Variants in POC1B observed in about 807,000 individuals in gnomAD.
POC1B encodes POC1 centriolar protein homolog B.
In POC1B, 44 loss-of-function variants were observed where a neutral mutation model predicts 60.6. The observed-to-expected ratio is 0.73, with a 90% CI of 0.57 to 0.93. The LOEUF is 0.93. POC1B is among the 40% of genes least tolerant of loss of function. The pLI, the probability that POC1B is intolerant of heterozygous loss-of-function variation, is 0.00. For synonymous variants in POC1B, 180 were observed against 198.9 expected (o/e 0.90, Z 0.80); for missense variants, 555 against 572.3 (o/e 0.97, Z 0.31).
rs1413037919 is a variant in POC1B, at chr12:89,421,069, AGTATCTT to A, written c.*77_*83del. ...AATAGCACATGGTTGTGTTGTATGG[AGTATCTT>A]GTACTACCTTCCTGAGTGTATGTAC... On this transcript the variant is annotated 3_prime_UTR_variant, in exon 12 of 12. Transcript: ENST00000313546. The A allele has an allele frequency of 3.0e-6, 3 of 992,614 alleles. No homozygotes were observed. The African/African-American group carries it at 4.8e-5, about 16-fold the overall frequency. The allele number at this position is 992,614 out of a possible 1,614,324, so 61.5% of individuals were successfully genotyped here. A position where few individuals can be genotyped will look rare whatever the true frequency, so the allele number is the denominator to read the frequency against.
intron 10 of POC1B, among the ~76,000 whole-genome samples, chr12:89,444,389 T>G (rs923110401): frequency 6.6e-6 from 1 of 152,058 alleles, no homozygotes; most frequent in African/African-American, 2.4e-5. Context: ...CAGCAACACA[T>G]CAAAAAGCTT....
At chr12:89,413,641 T>G in the POC1B span, among the ~76,000 whole-genome samples, 1 of 152,224 alleles carries the variant, frequency 6.6e-6, no homozygotes, top group Non-Finnish European at 1.5e-5. Flanking sequence ...ATATACTTTC[T>G]GCATATTTGG....
At chr12:89,461,746 G>C (rs1488070366) in intron 9 of POC1B, 1 of 152,154 alleles carries the variant, frequency 6.6e-6, no homozygotes. Flanking sequence ...GCTGTGCATG[G>C]TAAGGATGAG....
Position 89,524,577 on chromosome 12 carries a change from G to A in POC1B, c.100+543C>T, listed in dbSNP as rs139135128. 3.7e-4 allele frequency: 603 copies of A among 1,608,830 alleles called. 1 individual carries two copies. In the African/African-American group the frequency reaches 6.4e-3, roughly 17 times the overall value. ...GGATTCTCAGGGCTGAGGCGCAGAC[G>A]CGGCCACCAAGCCACCACGCAGGGG... On this transcript the variant is annotated intron_variant, in intron 2 of 11. Transcript: ENST00000313546.
intron 3 of POC1B, among the ~76,000 whole-genome samples, chr12:89,492,981 G>A (rs1869059115): frequency 6.6e-6 from 1 of 152,090 alleles, no homozygotes; most frequent in Admixed American, 6.5e-5. Context: ...ACCTTGCTAA[G>A]AGCGTAACTC....
intron 2 of POC1B, among the ~76,000 whole-genome samples, chr12:89,503,138 C>G (rs1869674414): frequency 6.6e-6 from 1 of 152,046 alleles, no homozygotes; most frequent in Admixed American, 6.5e-5. Context: ...CTCTCCCTCT[C>G]TTTCCACAGT....
chr12:89,455,782 T>C (rs1882227764), intron 10 of POC1B, among the ~76,000 whole-genome samples: 1 of 152,192 alleles, frequency 6.6e-6, no homozygotes, highest in Non-Finnish European at 1.5e-5. Context: ...TTATGCACAG[T>C]TGCCAGGATG....
rs1881423505 is a variant in POC1B, at chr12:89,439,529, A to G, written c.1114-14150T>C. 2.6e-5 allele frequency among the ~76,000 whole-genome samples: 4 copies of G among 152,184 alleles called. No individual in the cohort carries two copies. The South Asian group carries it at 8.3e-4, about 32-fold the overall frequency. ...GTGGGACCTGTGAATCTGGATTTCT[A>G]CTAAACTCTTAGGTGATGCTCAAGC... On this transcript the variant is annotated intron_variant, in intron 10 of 11. Transcript: ENST00000313546.
the POC1B span, among the ~76,000 whole-genome samples, chr12:89,407,319 G>A: frequency 2.6e-5 from 4 of 151,568 alleles, no homozygotes; most frequent in Admixed American, 1.3e-4. Flanking sequence ...TGCAGCCTCC[G>A]CCTCCCGGGT....
chr12:89,485,064 G>C (rs919535297), intron 4 of POC1B, among the ~76,000 whole-genome samples: 5 of 152,212 alleles, frequency 3.3e-5, no homozygotes, highest in African/African-American at 1.2e-4. Context: ...CTGGCAGTTA[G>C]CATTGTCATT....
intron 10 of POC1B, chr12:89,429,586 G>A (rs1199230405): frequency 6.6e-6 from 1 of 152,102 alleles, no homozygotes; most frequent in East Asian, 1.9e-4. Flanking sequence ...TACTTACTGA[G>A]CATCTATCTA....
intron 10 of POC1B, among the ~76,000 whole-genome samples, chr12:89,437,772 G>A (rs558970909): frequency 6.6e-6 from 1 of 152,166 alleles, no homozygotes; most frequent in Non-Finnish European, 1.5e-5. Flanking sequence ...AATTGGCCAG[G>A]TGCAGTGGCT....
intron 2 of POC1B, among the ~76,000 whole-genome samples, chr12:89,510,579 T>C (rs1870131027): frequency 6.6e-6 from 1 of 152,178 alleles, no homozygotes; most frequent in Non-Finnish European, 1.5e-5. Context: ...TCACCTTGCA[T>C]GTTTTCTTTC....
Position 89,420,323 on chromosome 12 carries a change from C to T in POC1B, c.*830G>A, listed in dbSNP as rs1402247656. The T allele has an allele frequency of 6.6e-6, 1 of 152,178 alleles. No homozygotes were observed. The highest frequency in any genetic ancestry group is 2.4e-5 in the African/African-American group (1 of 41,456). 9.4% of individuals were successfully genotyped at this position (152,178 alleles called of 1,614,324 possible). A position where few individuals can be genotyped will look rare whatever the true frequency, so the allele number is the denominator to read the frequency against. ...ACCCTAAGCAACAATATTTCTGAAG[C>T]ATGTGTACATACATGTGTGTATATT... On this transcript the variant is annotated 3_prime_UTR_variant, in exon 12 of 12. Coordinates refer to ENST00000313546, the MANE Select transcript of POC1B (RefSeq NM_172240.3).
chr12:89,504,929 A>G (rs1351531514), intron 2 of POC1B, among the ~76,000 whole-genome samples: 4 of 152,052 alleles, frequency 2.6e-5, no homozygotes, highest in Non-Finnish European at 5.9e-5. Flanking sequence ...ACATAATGAG[A>G]CTCCATCTCT....
chr12:89,497,335 A>G lies in POC1B; in HGVS notation c.108T>C (p.Ala36=). The G allele has an allele frequency of 1.2e-6, 2 of 1,611,006 alleles. No homozygotes were observed. Residue 36 remains alanine, a synonymous_variant, in exon 3 of 12, where the codon GCT becomes GCC. Coordinates refer to ENST00000313546, the MANE Select transcript of POC1B (RefSeq NM_172240.3). The stretch of plus-strand genomic sequence containing the variant: ...ATAGCATGAGAAAGGTATCCCAAGA[A>G]GCAGTAGCTATCAAGAAATAGAAGA... The part of the protein sequence containing the change: ...LSPNGKQLAT[A]SWDTFLMLWN...
intron 2 of POC1B, chr12:89,501,102 C>T (rs1013460222): frequency 8.1e-7 from 1 of 1,240,888 alleles, no homozygotes; most frequent in Non-Finnish European, 1.2e-6. Context: ...GCACCATATC[C>T]CCGGCTGAGA....
chr12:89,407,773 T>C, the POC1B span, among the ~76,000 whole-genome samples: 1 of 152,154 alleles, frequency 6.6e-6, no homozygotes, highest in African/African-American at 2.4e-5. Flanking sequence ...AAACACCAAA[T>C]GATTGCACTA....
intron 9 of POC1B, among the ~76,000 whole-genome samples, chr12:89,463,906 G>C (rs1882573970): frequency 6.6e-6 from 1 of 152,124 alleles, no homozygotes; most frequent in African/African-American, 2.4e-5. Context: ...AAGCGCTTAA[G>C]GCTAGCAAAG....
Sources: gnomAD v4.1 joint callset for allele counts (sites outside exome capture counted in the v4.1 genomes callset) on GRCh38, gnomAD v4.1.1 for gene constraint, MANE v1.5 for transcripts, NCBI Gene and HGNC (gene_info 2026-07-23, HGNC 2026-07-21) for gene names.